LRRTM4: variants seen among roughly 807,000 people sequenced by gnomAD.
LRRTM4 encodes the protein leucine-rich repeat transmembrane neuronal protein 4.
A neutral mutation model predicts 47.6 loss-of-function variants in LRRTM4; 25 were observed. That is an observed-to-expected ratio of 0.53 (90% CI 0.38 to 0.73). The LOEUF (loss-of-function observed/expected upper bound fraction) is 0.73, where lower values mean the gene tolerates loss of function less well. LRRTM4 is among the 30% of genes least tolerant of loss of function. LRRTM4 has a pLI of 0.00. For synonymous variants in LRRTM4, 311 were observed against 269.5 expected, an observed-to-expected ratio of 1.15 and a Z score of -1.51; for missense variants, 638 against 713.4, an observed-to-expected ratio of 0.89 and a Z score of 1.20.
In LRRTM4 at chr2:77,445,368, G is replaced by A. The variant is rs915016446; in HGVS notation, c.1551+72950C>T. ...TTTTCACCATTTTCCCTGCCTCTGG[G>A]AAAGTATTTTCCCTTTCAATCCTTG... On this transcript the variant is annotated intron_variant, in intron 3 of 3. Transcript: ENST00000409884. Among the ~76,000 whole-genome samples the A allele has an allele frequency of 2.6e-5, 4 of 151,792 alleles. No individual in the cohort carries two copies. The South Asian group carries it at 8.3e-4, about 32-fold the overall frequency.
intron 3 of LRRTM4, among the ~76,000 whole-genome samples, chr2:77,095,398 T>G (rs1670778487): frequency 6.6e-6 from 1 of 152,200 alleles, no homozygotes; most frequent in South Asian, 2.1e-4. Flanking sequence ...AATCCCACTT[T>G]TAGTATATAT....
At chr2:77,137,405 T>C (rs1029289103) in intron 3 of LRRTM4, among the ~76,000 whole-genome samples, 1 of 151,784 alleles carries the variant, frequency 6.6e-6, no homozygotes, top group Non-Finnish European at 1.5e-5. Context: ...AATAAAATCC[T>C]TTACAGAAGA....
chr2:77,208,464 T>C (rs1296073486), intron 3 of LRRTM4, among the ~76,000 whole-genome samples: 4 of 151,924 alleles, frequency 2.6e-5, no homozygotes, highest in African/African-American at 9.7e-5. Flanking sequence ...GTGAAGATGG[T>C]AGGAGGAATG....
At chr2:77,344,190 GA>G (rs1671477248) in intron 3 of LRRTM4, among the ~76,000 whole-genome samples, 1 of 151,618 alleles carries the variant, frequency 6.6e-6, no homozygotes, top group Non-Finnish European at 1.5e-5. Flanking sequence ...AAAAGAACAT[GA>G]AAAATAACAA....
chr2:77,340,339 A>AG (rs542517039), intron 3 of LRRTM4, among the ~76,000 whole-genome samples: 76 of 151,996 alleles, frequency 5.0e-4, no homozygotes, highest in African/African-American at 1.8e-3. Context: ...ACACACTCCA[A>AG]GTTGGTATTT....
intron 3 of LRRTM4, among the ~76,000 whole-genome samples, chr2:77,388,389 A>G (rs2103808666): frequency 6.6e-6 from 1 of 152,296 alleles, no homozygotes; most frequent in East Asian, 1.9e-4. Context: ...ACAGCAATAC[A>G]GAAGGAGTCT....
chr2:77,299,410 AACAC>A lies in LRRTM4; in HGVS notation c.1551+218904_1551+218907del, dbSNP rs567384431. Among the ~76,000 whole-genome samples, 132 of 151,646 alleles carry A rather than the reference AACAC, an allele frequency of 8.7e-4. 3 individuals carry two copies. The highest frequency in any genetic ancestry group is 3.1e-3 in the African/African-American group (130 of 41,362). On this transcript the variant is annotated intron_variant, in intron 3 of 3. Coordinates refer to ENST00000409884, the MANE Select transcript of LRRTM4 (RefSeq NM_001134745.3). ...GTGTGTATATATACGTATATATACA[AACAC>A]ACACACAGATATCACAGTCTTATTT...
intron 3 of LRRTM4, among the ~76,000 whole-genome samples, chr2:77,450,711 C>T (rs900671385): frequency 6.6e-6 from 1 of 152,026 alleles, no homozygotes; most frequent in Non-Finnish European, 1.5e-5. Context: ...TTCTACATCT[C>T]CCCAGTTCAA....
chr2:77,443,624 C>T (rs370164722), intron 3 of LRRTM4, among the ~76,000 whole-genome samples: 14 of 151,950 alleles, frequency 9.2e-5, no homozygotes, highest in African/African-American at 3.1e-4. Context: ...AAATGAGATA[C>T]TGGGGTGATA....
chr2:77,224,491 A>T (rs893728962), intron 3 of LRRTM4, among the ~76,000 whole-genome samples: 10 of 152,324 alleles, frequency 6.6e-5, no homozygotes, highest in Middle Eastern at 3.4e-3. Flanking sequence ...CAGAATCTAC[A>T]ATGAACTCAA....
rs376735816 is a variant in LRRTM4, at chr2:77,090,168, G to A, written c.1552-341252C>T. 3.7e-3 allele frequency among the ~76,000 whole-genome samples: 568 copies of A among 152,160 alleles called. 2 individuals carry two copies. The highest frequency in any genetic ancestry group is 5.4e-3 in the Non-Finnish European group (369 of 68,014). On this transcript the variant is annotated intron_variant, in intron 3 of 3. Coordinates refer to ENST00000409884, the MANE Select transcript of LRRTM4 (RefSeq NM_001134745.3). ...CACACCTGGTCTGGCTTACAGTTTC[G>A]TTCCGTGACTAGCCCTCCCCGTCCT... is the stretch of plus-strand genomic sequence containing the variant.
intron 3 of LRRTM4, among the ~76,000 whole-genome samples, chr2:76,913,046 C>A (rs1256878379): frequency 6.6e-6 from 1 of 152,194 alleles, no homozygotes; most frequent in Non-Finnish European, 1.5e-5. Flanking sequence ...CCTTAGACAA[C>A]ACTAGTTATC....
At position 76,747,728 on chromosome 2, in the gene LRRTM4, T is replaced by A. The variant is rs1051325767; in HGVS notation, c.*967A>T. The A allele has an allele frequency of 6.6e-6, 1 of 152,230 alleles. No individual in the cohort carries two copies. The highest frequency in any genetic ancestry group is 1.5e-5 in the Non-Finnish European group (1 of 68,050). 9.4% of individuals were successfully genotyped at this position (152,230 alleles called of 1,614,324 possible). ...ACCAACCACAAAATAATATATTTAT[T>A]TTTCAATATTTTTTCTTTTATTGAT... On this transcript the variant is annotated 3_prime_UTR_variant, in exon 4 of 4. Coordinates refer to ENST00000409884, the MANE Select transcript of LRRTM4 (RefSeq NM_001134745.3).
At chr2:76,959,668 G>A (rs1397647800) in intron 3 of LRRTM4, among the ~76,000 whole-genome samples, 1 of 151,642 alleles carries the variant, frequency 6.6e-6, no homozygotes, top group African/African-American at 2.4e-5. Context: ...GCAAAATAAG[G>A]TAACTTAAGC....
chr2:76,876,456 A>G (rs1025561947), intron 3 of LRRTM4, among the ~76,000 whole-genome samples: 8 of 151,946 alleles, frequency 5.3e-5, no homozygotes, highest in African/African-American at 1.9e-4. Flanking sequence ...AAGGCATTAC[A>G]CTATAAAACA....
intron 3 of LRRTM4, among the ~76,000 whole-genome samples, chr2:77,089,258 C>G (rs112589979): frequency 1.3e-5 from 1 of 75,880 alleles, no homozygotes; most frequent in Non-Finnish European, 2.2e-5. Flanking sequence ...TACCCCTTCT[C>G]TGCTTTTCTG....
intron 3 of LRRTM4, among the ~76,000 whole-genome samples, chr2:77,252,351 T>C (rs1460699864): frequency 6.6e-6 from 1 of 152,110 alleles, no homozygotes; most frequent in Admixed American, 6.6e-5. Context: ...AGAGGTTTGG[T>C]TTTTAGTTTG....
intron 3 of LRRTM4, among the ~76,000 whole-genome samples, chr2:77,313,234 G>A (rs1435106297): frequency 6.6e-6 from 1 of 151,128 alleles, no homozygotes; most frequent in Non-Finnish European, 1.5e-5. Flanking sequence ...GGGACCTGGT[G>A]CTGGGATGTG....
At chr2:77,185,871 CTT>C (rs1259523920) in intron 3 of LRRTM4, among the ~76,000 whole-genome samples, 1 of 152,092 alleles carries the variant, frequency 6.6e-6, no homozygotes, top group Non-Finnish European at 1.5e-5. Context: ...CACTAAAACT[CTT>C]TAACTTCAGT....
Sources: allele counts gnomAD v4.1 joint callset (sites outside exome capture counted in the v4.1 genomes callset), GRCh38; gene constraint gnomAD v4.1.1; transcripts MANE v1.5; gene names NCBI Gene and HGNC (gene_info 2026-07-23, HGNC 2026-07-21).